Variants in GALNT18 observed in about 807,000 individuals in gnomAD.
The protein encoded by GALNT18 is polypeptide N-acetylgalactosaminyltransferase 18.
A neutral mutation model predicts 69.5 loss-of-function variants in GALNT18; 44 were observed. The observed-to-expected ratio is 0.63, with a 90% CI of 0.50 to 0.81. GALNT18 has a LOEUF of 0.81. Ranked by LOEUF, GALNT18 falls within the 40% of genes least tolerant of loss-of-function variation. GALNT18 has a pLI of 0.00. For missense variants in GALNT18, 715 were observed against 810.0 expected, an observed-to-expected ratio of 0.88 and a Z score of 1.42; for synonymous variants, 364 against 318.2, an observed-to-expected ratio of 1.14 and a Z score of -1.53.
At chr11:11,504,554 C>G (rs1274483725) in intron 1 of GALNT18, among the ~76,000 whole-genome samples, 1 of 151,956 alleles carries the variant, frequency 6.6e-6, no homozygotes, top group Non-Finnish European at 1.5e-5. Flanking sequence ...CTCAGGAGTT[C>G]CAGACCAGCC....
intron 1 of GALNT18, among the ~76,000 whole-genome samples, chr11:11,580,332 C>A (rs1027578111): frequency 6.6e-6 from 1 of 152,180 alleles, no homozygotes; most frequent in South Asian, 2.1e-4. Flanking sequence ...CCCGCCACCC[C>A]CAAAGACTAG....
chr11:11,423,843 A>G (rs1855066849), intron 3 of GALNT18, among the ~76,000 whole-genome samples: 1 of 152,230 alleles, frequency 6.6e-6, no homozygotes, highest in Non-Finnish European at 1.5e-5. Flanking sequence ...ACATCAGGTG[A>G]CATTGGTAAT....
At chr11:11,361,521 T>A (rs1850646449) in intron 6 of GALNT18, among the ~76,000 whole-genome samples, 1 of 40,180 alleles carries the variant, frequency 2.5e-5, no homozygotes, top group African/African-American at 1.5e-4. Context: ...AGTTTATCTA[T>A]CTTTCTATCT....
In GALNT18 at chr11:11,377,472, GAGGA is replaced by G. The variant is rs1853795044; in HGVS notation, c.780-97_780-94del. 2 of 1,126,268 alleles carry G rather than the reference GAGGA, an allele frequency of 1.8e-6. No homozygotes were observed. Among genetic ancestry groups the G allele is most frequent in the Non-Finnish European group, 2.6e-6 (2 of 761,282 alleles). The allele number at this position is 1,126,268 out of a possible 1,614,324, so 69.8% of individuals were successfully genotyped here. ...CCTGAAGGTCCTTCCCCAGCAGAAA[GAGGA>G]AGGAAGGCCTGCCCATCTCCTCTGA... On this transcript the variant is annotated intron_variant, in intron 4 of 10. Coordinates refer to ENST00000227756, the MANE Select transcript of GALNT18 (RefSeq NM_198516.3). The surrounding 1 kb of genome is among the most constrained non-coding windows in gnomAD (Gnocchi z 4.6).
Position 11,537,475 on chromosome 11 carries a change from G to A in GALNT18, c.235+83884C>T, listed in dbSNP as rs535637350. ...AAAAGATTTTGTAGGTCTGCATGGT[G>A]TCTAGACAGGGAGCTGAGAAGAAAG... On this transcript the variant is annotated intron_variant, in intron 1 of 10. Coordinates refer to ENST00000227756, the MANE Select transcript of GALNT18 (RefSeq NM_198516.3). 3.3e-5 allele frequency among the ~76,000 whole-genome samples: 5 copies of A among 152,304 alleles called. No individual in the cohort carries two copies. In the East Asian group the frequency reaches 9.6e-4, roughly 29 times the overall value.
intron 2 of GALNT18, among the ~76,000 whole-genome samples, chr11:11,447,900 G>C (rs1270281533): frequency 6.6e-6 from 1 of 152,214 alleles, no homozygotes; most frequent in African/African-American, 2.4e-5. Flanking sequence ...TGCTGGCACA[G>C]AAGTGCTTAA....
rs1351858529 is a variant in GALNT18, at chr11:11,459,519, C to T, written c.236-10583G>A. ...GGGGTCTGCCATCCAAGAGATGTCCCACTGCAAGGCCAAGTGCAGACTCCA... is the reference window on the plus strand; with the variant it reads ...GGGGTCTGCCATCCAAGAGATGTCCTACTGCAAGGCCAAGTGCAGACTCCA... On this transcript the variant is annotated intron_variant, in intron 1 of 10. Transcript: ENST00000227756. This position sits in a 1 kb window ranked among gnomAD's most constrained non-coding sequence, Gnocchi z 5.0. Among the ~76,000 whole-genome samples the T allele has an allele frequency of 1.3e-5, 2 of 152,156 alleles. No homozygotes were observed. Among genetic ancestry groups the T allele is most frequent in the African/African-American group, 4.8e-5 (2 of 41,424 alleles).
chr11:11,512,797 T>A (rs1363354981), intron 1 of GALNT18, among the ~76,000 whole-genome samples: 1 of 152,092 alleles, frequency 6.6e-6, no homozygotes, highest in Non-Finnish European at 1.5e-5. Context: ...TCCTAACCCA[T>A]CTATCACATG....
At position 11,489,377 on chromosome 11, in the gene GALNT18, T is replaced by C. The variant is rs553873091; in HGVS notation, c.236-40441A>G. Among the ~76,000 whole-genome samples the C allele has an allele frequency of 5.3e-5, 8 of 152,198 alleles. No individual in the cohort carries two copies. In the South Asian group the frequency reaches 6.2e-4, roughly 12 times the overall value. ...TAGGAGAGGACTAGTACACATTACA[T>C]TGAAACCTATGCATCTGAGCTGAAC... On this transcript the variant is annotated intron_variant, in intron 1 of 10. Transcript: ENST00000227756.
chr11:11,501,100 A>G (rs1856964381), intron 1 of GALNT18, among the ~76,000 whole-genome samples: 1 of 152,204 alleles, frequency 6.6e-6, no homozygotes, highest in South Asian at 2.1e-4. Context: ...TGACCCTCCT[A>G]TTGAACTGTT....
chr11:11,487,452 T>C (rs554014007), intron 1 of GALNT18, among the ~76,000 whole-genome samples: 9 of 152,316 alleles, frequency 5.9e-5, no homozygotes, highest in African/African-American at 2.2e-4. Flanking sequence ...AGTTTTATAT[T>C]GCATCCACAT....
chr11:11,487,618 G>GT (rs1012273241), intron 1 of GALNT18, among the ~76,000 whole-genome samples: 2 of 152,096 alleles, frequency 1.3e-5, no homozygotes, highest in Non-Finnish European at 2.9e-5. Flanking sequence ...CCCTGCACAG[G>GT]TTTTCCTCAG....
intron 3 of GALNT18, among the ~76,000 whole-genome samples, chr11:11,412,560 C>T (rs1475266384): frequency 6.6e-6 from 1 of 152,244 alleles, no homozygotes; most frequent in Non-Finnish European, 1.5e-5. Context: ...CACAGTCTTG[C>T]TTAACAAGGT....
intron 2 of GALNT18, among the ~76,000 whole-genome samples, chr11:11,447,153 C>T (rs1855674700): frequency 6.6e-6 from 1 of 152,232 alleles, no homozygotes; most frequent in Non-Finnish European, 1.5e-5. Flanking sequence ...CATGACGTGC[C>T]ATGCGTGCTT....
In GALNT18 at chr11:11,591,884, A is replaced by G. The variant is rs938876233; in HGVS notation, c.235+29475T>C. 6.6e-6 allele frequency among the ~76,000 whole-genome samples: 1 copy of G among 152,186 alleles called. No individual in the cohort carries two copies. The highest frequency in any genetic ancestry group is 1.5e-5 in the Non-Finnish European group (1 of 68,038). Reference sequence around the variant, plus strand: ...TGAAGATTTAAGGGTTTTGAGTTTGATGTAACACAGTCCTCAAGATCAGAC... The same window carrying G: ...TGAAGATTTAAGGGTTTTGAGTTTGGTGTAACACAGTCCTCAAGATCAGAC... On this transcript the variant is annotated intron_variant, in intron 1 of 10. Coordinates refer to ENST00000227756, the MANE Select transcript of GALNT18 (RefSeq NM_198516.3). This position sits in a 1 kb window ranked among gnomAD's most constrained non-coding sequence, Gnocchi z 4.8.
intron 1 of GALNT18, among the ~76,000 whole-genome samples, chr11:11,565,990 G>A (rs2133989760): frequency 6.6e-6 from 1 of 152,336 alleles, no homozygotes; most frequent in East Asian, 1.9e-4. Flanking sequence ...GTTCCATAGA[G>A]CTGGGACCTT....
intron 3 of GALNT18, among the ~76,000 whole-genome samples, chr11:11,416,382 C>T (rs1253459965): frequency 6.6e-6 from 1 of 152,202 alleles, no homozygotes; most frequent in Non-Finnish European, 1.5e-5. Flanking sequence ...TCAATTTCCT[C>T]CCGAGACCAG....
chr11:11,470,975 C>T lies in GALNT18; in HGVS notation c.236-22039G>A, dbSNP rs556687464. ...TTCTCCCCATTCATACTCAGGGGCC[C>T]GGGCACATCAATATCCCTCTTTCTC... On this transcript the variant is annotated intron_variant, in intron 1 of 10. Transcript: ENST00000227756. The surrounding 1 kb of genome is among the most constrained non-coding windows in gnomAD (Gnocchi z 4.8). 1.5e-4 allele frequency among the ~76,000 whole-genome samples: 23 copies of T among 152,126 alleles called. No homozygotes were observed. Among genetic ancestry groups the T allele is most frequent in the Non-Finnish European group, 2.4e-4 (16 of 68,012 alleles).
rs1258501942 is a variant in GALNT18, at chr11:11,443,956, A to G, written c.428+4788T>C. Among the ~76,000 whole-genome samples the G allele has an allele frequency of 2.6e-5, 4 of 152,192 alleles. No individual in the cohort carries two copies. In the East Asian group the frequency reaches 7.7e-4, roughly 29 times the overall value. On this transcript the variant is annotated intron_variant, in intron 2 of 10. Transcript: ENST00000227756. ...TGCAGATGAGGTTGGAAAAACTGGC[A>G]CACTTCCTATGCCTATTACATATTC...
Sources: allele counts gnomAD v4.1 joint callset (sites outside exome capture counted in the v4.1 genomes callset), GRCh38; gene constraint gnomAD v4.1.1; non-coding constraint Gnocchi (gnomAD v3.1); transcripts MANE v1.5; gene names NCBI Gene and HGNC (gene_info 2026-07-23, HGNC 2026-07-21).